Variants in HDAC9 observed in about 807,000 individuals in gnomAD.
HDAC9 encodes the protein MEF-2 interacting transcription repressor (MITR) protein.
In HDAC9, 41 loss-of-function variants were observed where a neutral mutation model predicts 139.4. The observed-to-expected ratio is 0.29, with a 90% CI of 0.23 to 0.38. The LOEUF (loss-of-function observed/expected upper bound fraction) is 0.38. Among genes scored for constraint, HDAC9 ranks in the 10% least tolerant of loss-of-function variants. HDAC9 has a pLI of 1.00. For synonymous variants in HDAC9, 517 were observed against 476.2 expected (o/e 1.09, Z -1.12); for missense variants, 1,147 against 1,297.0 (o/e 0.88, Z 1.78).
intron 12 of HDAC9, among the ~76,000 whole-genome samples, chr7:18,680,614 G>A (rs576400796): frequency 6.6e-6 from 1 of 152,102 alleles, no homozygotes; most frequent in South Asian, 2.1e-4. Flanking sequence ...ATGGTGGGTT[G>A]ATACTGTATA....
chr7:18,382,711 A>G (rs1785546361), intron 1 of HDAC9, among the ~76,000 whole-genome samples: 2 of 152,248 alleles, frequency 1.3e-5, no homozygotes, highest in African/African-American at 4.8e-5. Flanking sequence ...TAGAAATGAC[A>G]TGAAGGAATA....
chr7:18,485,699 A>G (rs1268585031), intron 1 of HDAC9, among the ~76,000 whole-genome samples: 2 of 151,980 alleles, frequency 1.3e-5, no homozygotes, highest in East Asian at 3.9e-4. Flanking sequence ...GGAACTTTAT[A>G]TTTACTGTTT....
At chr7:18,194,176 A>G (rs1790569297) in intron 2 of HDAC9, among the ~76,000 whole-genome samples, 1 of 152,164 alleles carries the variant, frequency 6.6e-6, no homozygotes, top group African/African-American at 2.4e-5. Context: ...ATCTTTGCTA[A>G]TTATAACGAT....
At chr7:18,204,969 A>G (rs1056780259) in intron 2 of HDAC9, among the ~76,000 whole-genome samples, 43 of 152,016 alleles carry the variant, frequency 2.8e-4, no homozygotes, top group African/African-American at 1.0e-3. Flanking sequence ...ATTCAATTCT[A>G]TTTTATGCTA....
At chr7:18,949,623 C>T (rs1782651746) in intron 23 of HDAC9, 1 of 164,962 alleles carries the variant, frequency 6.1e-6, no homozygotes, top group East Asian at 1.7e-4. Flanking sequence ...CCTGAACTGG[C>T]CATTCTTAAA....
In HDAC9 at chr7:18,748,778, G is replaced by T. The variant is rs566297522; in HGVS notation, c.1910-227G>T. Among the ~76,000 whole-genome samples the T allele has an allele frequency of 2.6e-5, 4 of 152,270 alleles. No individual in the cohort carries two copies. In the East Asian group the frequency reaches 5.8e-4, roughly 22 times the overall value. On this transcript the variant is annotated intron_variant, in intron 13 of 25. Transcript: ENST00000686413. ...CACTTTACAGATTTACTAAACTAGGGTCTGAGTACTGGTTAATGCGTAAGT... is the reference window on the plus strand; with the variant it reads ...CACTTTACAGATTTACTAAACTAGGTTCTGAGTACTGGTTAATGCGTAAGT...
chr7:18,735,974 G>T (rs1305525562), intron 13 of HDAC9, among the ~76,000 whole-genome samples: 2 of 152,088 alleles, frequency 1.3e-5, no homozygotes, highest in Non-Finnish European at 2.9e-5. Context: ...GTATTTCTAG[G>T]TATTTTATTC....
At chr7:18,675,758 A>C (rs1237886895) in intron 12 of HDAC9, among the ~76,000 whole-genome samples, 1 of 151,982 alleles carries the variant, frequency 6.6e-6, no homozygotes, top group African/African-American at 2.4e-5. Context: ...CCAAGAGTTG[A>C]GAACCGTCTA....
At chr7:18,551,601 T>C (rs1817160948) in intron 2 of HDAC9, among the ~76,000 whole-genome samples, 1 of 152,210 alleles carries the variant, frequency 6.6e-6, no homozygotes, top group Non-Finnish European at 1.5e-5. Flanking sequence ...ACTGTGTCTC[T>C]TACCTCAGTG....
chr7:18,670,638 C>A (rs1366009155), intron 12 of HDAC9, among the ~76,000 whole-genome samples: 1 of 152,016 alleles, frequency 6.6e-6, no homozygotes, highest in African/African-American at 2.4e-5. Context: ...TTTAGGAGGT[C>A]TAGCTTTAAT....
At chr7:18,899,164 T>C (rs1351929437) in intron 22 of HDAC9, 1 of 151,992 alleles carries the variant, frequency 6.6e-6, no homozygotes, top group Non-Finnish European at 1.5e-5. Context: ...AAACATAACT[T>C]TTGGATGACA....
At chr7:18,637,444 C>G (rs937953722) in intron 8 of HDAC9, among the ~76,000 whole-genome samples, 7 of 151,962 alleles carry the variant, frequency 4.6e-5, no homozygotes, top group Middle Eastern at 3.4e-3. Flanking sequence ...GTTTAGGTAC[C>G]CTAGCTTTTC....
intron 6 of HDAC9, among the ~76,000 whole-genome samples, chr7:18,622,483 C>T (rs530110249): frequency 8.6e-5 from 13 of 151,954 alleles, no homozygotes; most frequent in Admixed American, 2.0e-4. Flanking sequence ...CCACCACACC[C>T]GGCTAATTTT....
chr7:18,793,648 T>C (rs965856343), intron 17 of HDAC9, among the ~76,000 whole-genome samples, 196 bp downstream of exon 17: 9 of 152,162 alleles, frequency 5.9e-5, no homozygotes, highest in Non-Finnish European at 1.3e-4. Flanking sequence ...CAGGGCCTTC[T>C]TCTGCCTGAG....
At chr7:18,386,828 C>T (rs1785979105) in intron 1 of HDAC9, among the ~76,000 whole-genome samples, 1 of 152,188 alleles carries the variant, frequency 6.6e-6, no homozygotes, top group Admixed American at 6.5e-5. Context: ...TACTGAATTC[C>T]ACTAATGGAA....
chr7:18,132,916 T>C lies in HDAC9; in HGVS notation c.-96-29313T>C, dbSNP rs144581593. Among the ~76,000 whole-genome samples the C allele has an allele frequency of 1.5e-3, 230 of 152,310 alleles. 1 individual carries two copies. Among genetic ancestry groups the C allele is most frequent in the Admixed American group, 4.1e-3 (62 of 15,286 alleles). ...CTTATTTTTTATTTGATTTTACTTT[T>C]GTATAGCACCCTAAGGTTAACAGTC... is the stretch of plus-strand genomic sequence containing the variant. On this transcript the variant is annotated intron_variant, in intron 1 of 12. Transcript: ENST00000417496.
At chr7:18,892,948 G>A (rs958953276) in intron 22 of HDAC9, among the ~76,000 whole-genome samples, 1 of 129,854 alleles carries the variant, frequency 7.7e-6, no homozygotes, top group Non-Finnish European at 1.6e-5. Context: ...TTCCTCCCAG[G>A]TTGTTACTTG....
chr7:18,222,950 C>T (rs1792805405), intron 2 of HDAC9, among the ~76,000 whole-genome samples: 1 of 152,268 alleles, frequency 6.6e-6, no homozygotes, highest in Middle Eastern at 3.4e-3. Flanking sequence ...TCATAAACTG[C>T]TCTCTAAAAG....
intron 2 of HDAC9, among the ~76,000 whole-genome samples, chr7:18,521,066 G>A (rs988208828): frequency 2.6e-5 from 4 of 152,164 alleles, no homozygotes; most frequent in Non-Finnish European, 5.9e-5. Context: ...TTGAAATCTT[G>A]CCTAATTATT....
Sources: allele counts gnomAD v4.1 joint callset (sites outside exome capture counted in the v4.1 genomes callset), GRCh38; gene constraint gnomAD v4.1.1; transcripts MANE v1.5; gene names NCBI Gene and HGNC (gene_info 2026-07-23, HGNC 2026-07-21).